TATDN3: variants seen among roughly 807,000 people sequenced by gnomAD.
TATDN3 encodes deoxyribonuclease TATDN3.
A neutral mutation model predicts 40.1 loss-of-function variants in TATDN3; 29 were observed. The ratio of observed to expected loss-of-function variants is 0.72; its 90% CI spans 0.54 to 0.99. The LOEUF is 0.99. Ranked by LOEUF, TATDN3 falls within the 50% of genes least tolerant of loss-of-function variation. The pLI is 0.00. For synonymous variants in TATDN3, 105 were observed against 117.0 expected, an observed-to-expected ratio of 0.90 and a Z score of 0.66; for missense variants, 309 against 321.9, an observed-to-expected ratio of 0.96 and a Z score of 0.31.
intron 8 of TATDN3, among the ~76,000 whole-genome samples, chr1:212,808,622 CAAAT>C (rs920925657): frequency 2.0e-5 from 3 of 152,150 alleles, no homozygotes; most frequent in African/African-American, 4.8e-5. Flanking sequence ...AATAAAAAGA[CAAAT>C]AACCTGATTA....
In TATDN3 at chr1:212,807,771, C is replaced by T. The variant is rs759889927; in HGVS notation, c.523C>T (p.Arg175Trp). The part of the protein sequence containing the change: ...EKVLLHAFDG[R>W]PSVAMEGVRA... ...GGTACTGCTGCATGCATTTGATGGTCGGCCATCTGTAGCCATGGAAGGAGT... is the reference window on the plus strand; with the variant it reads ...GGTACTGCTGCATGCATTTGATGGTTGGCCATCTGTAGCCATGGAAGGAGT... Residue 175 changes from arginine (R) to tryptophan (W), a missense_variant, in exon 8 of 10, where the codon CGG becomes TGG. Coordinates refer to ENST00000366974, the MANE Select transcript of TATDN3 (RefSeq NM_001042552.3). 1.3e-5 allele frequency: 21 copies of T among 1,613,476 alleles called. No homozygotes were observed. Among genetic ancestry groups the T allele is most frequent in the African/African-American group, 4.0e-5 (3 of 74,856 alleles).
intron 3 of TATDN3, 89 bp downstream of exon 3, chr1:212,796,679 G>T: frequency 1.1e-6 from 1 of 918,712 alleles, no homozygotes; most frequent in Non-Finnish European, 1.6e-6. Context: ...CATTTTTAAA[G>T]AGAATAAAGA....
chr1:212,797,664 T>C (rs1468818979), intron 4 of TATDN3: 2 of 152,920 alleles, frequency 1.3e-5, no homozygotes, highest in East Asian at 1.9e-4. Flanking sequence ...ACTGTAGTCA[T>C]GTTGCTTTGG....
At chr1:212,800,843 T>C (rs1662127942) in intron 4 of TATDN3, among the ~76,000 whole-genome samples, 1 of 151,946 alleles carries the variant, frequency 6.6e-6, no homozygotes, top group Non-Finnish European at 1.5e-5. Flanking sequence ...TAATGAATAA[T>C]TATATAGTAG....
intron 4 of TATDN3, among the ~76,000 whole-genome samples, chr1:212,798,554 A>AAAAAAAAAG: frequency 6.7e-6 from 1 of 149,062 alleles, no homozygotes; most frequent in Non-Finnish European, 1.5e-5. Flanking sequence ...AAAAAAAAAA[A>AAAAAAAAAG]AAAAGAAAAG....
rs1024829339 is a variant in TATDN3 at position 212,816,119 on chromosome 1, A to G, written c.*963A>G. 1.3e-5 allele frequency: 2 copies of G among 152,190 alleles called. No homozygotes were observed. Among genetic ancestry groups the G allele is most frequent in the Non-Finnish European group, 2.9e-5 (2 of 68,036 alleles). 9.4% of individuals were successfully genotyped at this position (152,190 alleles called of 1,614,324 possible). On this transcript the variant is annotated 3_prime_UTR_variant, in exon 10 of 10. Transcript: ENST00000366974. ...TTTTGTCAACATATTTAGAATGTAA[A>G]TGGCATTATTAAAAATGTATCTGAT...
At position 212,804,305 on chromosome 1, in the gene TATDN3, A is replaced by C. The variant is rs1558081673; in HGVS notation, c.322-15A>C. The C allele has an allele frequency of 6.3e-7, 1 of 1,595,476 alleles. No homozygotes were observed. The highest frequency in any genetic ancestry group is 1.7e-5 in the Admixed American group (1 of 59,512). On this transcript the variant is annotated splice_polypyrimidine_tract_variant and intron_variant, in intron 5 of 9. Transcript: ENST00000366974. ...TAAACCTAAATATGTAATATCTTTT[A>C]TTTTTCTGCTCTAGGTTGGACTAGA...
intron 4 of TATDN3, among the ~76,000 whole-genome samples, chr1:212,799,449 G>C (rs1003724862): frequency 6.6e-6 from 1 of 152,066 alleles, no homozygotes; most frequent in African/African-American, 2.4e-5. Flanking sequence ...GAAATGGGTG[G>C]ATTTGGCATA....
chr1:212,802,613 G>T, intron 4 of TATDN3, 88 bp from the exon 5 acceptor site: 1 of 864,906 alleles, frequency 1.2e-6, no homozygotes, highest in South Asian at 1.4e-5. Context: ...TAAAGCACCA[G>T]GATGGCATAG....
intron 3 of TATDN3, 176 bp from the exon 4 acceptor site, chr1:212,796,936 A>G (rs1161552545): frequency 3.7e-6 from 2 of 545,858 alleles, no homozygotes; most frequent in Non-Finnish European, 6.5e-6. Context: ...GGATTTCACC[A>G]TGTTGGCCAG....
intron 9 of TATDN3, among the ~76,000 whole-genome samples, chr1:212,814,243 C>T (rs1314894539): frequency 6.6e-6 from 1 of 152,150 alleles, no homozygotes; most frequent in Non-Finnish European, 1.5e-5. Context: ...TTATAAACAA[C>T]ATGATTAACA....
intron 9 of TATDN3, among the ~76,000 whole-genome samples, chr1:212,814,631 T>C (rs1446985951): frequency 6.6e-6 from 1 of 152,208 alleles, no homozygotes; most frequent in Non-Finnish European, 1.5e-5. Flanking sequence ...TGAATCAAAC[T>C]GTCATGTAGC....
intron 9 of TATDN3, among the ~76,000 whole-genome samples, chr1:212,813,813 C>T (rs1226782491): frequency 1.3e-5 from 2 of 151,970 alleles, no homozygotes; most frequent in East Asian, 3.9e-4. Flanking sequence ...TGGATTCAAG[C>T]AATTCTCCTG....
chr1:212,812,334 T>C lies in TATDN3; in HGVS notation c.681+6T>C, dbSNP rs1239347346. 1.4e-6 allele frequency: 2 copies of C among 1,393,480 alleles called. No homozygotes were observed. The highest frequency in any genetic ancestry group is 2.0e-6 in the Non-Finnish European group (2 of 1,009,316). The allele number at this position is 1,393,480 out of a possible 1,614,324, so 86.3% of individuals were successfully genotyped here. Reference sequence around the variant, plus strand: ...CACTAGGACCAGAAAAACAGGTAAATGGTTTTCTAATTTCTATATTATTTA... The same window carrying C: ...CACTAGGACCAGAAAAACAGGTAAACGGTTTTCTAATTTCTATATTATTTA... On this transcript the variant is annotated splice_donor_region_variant and intron_variant, in intron 9 of 9. Coordinates refer to ENST00000366974, the MANE Select transcript of TATDN3 (RefSeq NM_001042552.3).
chr1:212,805,423 T>G (rs1421240759), intron 7 of TATDN3, among the ~76,000 whole-genome samples: 1 of 151,838 alleles, frequency 6.6e-6, no homozygotes. Flanking sequence ...ACCCAGCTAA[T>G]TTTTGTATTT....
chr1:212,792,041 C>T, intron 1 of TATDN3, 54 bp downstream of exon 1: 1 of 1,571,738 alleles, frequency 6.4e-7, no homozygotes, highest in Admixed American at 1.7e-5. Context: ...CGTCCTTTCC[C>T]CTCGTGTTAT....
Position 212,791,950 on chromosome 1 carries a change from A to C in TATDN3, c.29A>C (p.Asp10Ala), listed in dbSNP as rs146856249. The change falls in exon 1 of 10, where the codon GAC becomes GCC. Residue 10 changes from aspartate (D) to alanine (A), a missense_variant. Asp to Ala is a moderately radical substitution (Grantham distance 126). Transcript: ENST00000366974. ...CGAGCGGCTGGCGTAGGCTTGGTGG[A>C]CTGTCACTGCCACCTCTCCGCCCCG... MRAAGVGLVDCHCHLSAPDF... is the reference protein window; with the variant it reads MRAAGVGLVACHCHLSAPDF... 6.7e-4 allele frequency: 1,076 copies of C among 1,613,770 alleles called. 16 individuals are homozygous for C. The African/African-American group carries it at 0.013, about 19-fold the overall frequency.
intron 4 of TATDN3, among the ~76,000 whole-genome samples, chr1:212,799,086 A>G (rs938995768): frequency 6.6e-6 from 1 of 152,172 alleles, no homozygotes; most frequent in Non-Finnish European, 1.5e-5. Flanking sequence ...CAAAGGTCCC[A>G]AGGTAGGAAT....
At chr1:212,803,893 G>A (rs1032857271) in intron 5 of TATDN3, among the ~76,000 whole-genome samples, 7 of 151,898 alleles carry the variant, frequency 4.6e-5, no homozygotes, top group South Asian at 2.1e-4. Flanking sequence ...AAAATTAGCC[G>A]GGCGTGGTAG....
Sources: allele counts gnomAD v4.1 joint callset (sites outside exome capture counted in the v4.1 genomes callset), GRCh38; gene constraint gnomAD v4.1.1; transcripts MANE v1.5; gene names NCBI Gene and HGNC (gene_info 2026-07-23, HGNC 2026-07-21).